The following TLL2 variants were observed in gnomAD, a reference collection of about 807,000 sequenced individuals.
The protein encoded by TLL2 is tolloid-like protein 2.
TLL2 carries 106 observed loss-of-function variants against 123.0 expected under a neutral mutation model. That is an observed-to-expected ratio of 0.86 (90% CI 0.74 to 1.01). TLL2 has a LOEUF of 1.01. Among genes scored for constraint, TLL2 ranks in the 50% least tolerant of loss-of-function variants. TLL2 has a pLI of 0.00. For synonymous variants in TLL2, 494 were observed against 516.8 expected (o/e 0.96, Z 0.60); for missense variants, 1,332 against 1,336.7 (o/e 1.00, Z 0.06).
chr10:96,396,504 A>G (rs555880757), intron 11 of TLL2, among the ~76,000 whole-genome samples: 1 of 152,310 alleles, frequency 6.6e-6, no homozygotes, highest in African/African-American at 2.4e-5. Flanking sequence ...CTAAAATTGT[A>G]ATAATTTAAG....
intron 1 of TLL2, among the ~76,000 whole-genome samples, chr10:96,485,640 A>T (rs149468740): frequency 6.6e-6 from 1 of 152,306 alleles, no homozygotes; most frequent in Non-Finnish European, 1.5e-5. Flanking sequence ...AGAAAATAAA[A>T]AGTGTTGACT....
At chr10:96,462,413 G>T (rs577714570) in intron 2 of TLL2, among the ~76,000 whole-genome samples, 6 of 152,350 alleles carry the variant, frequency 3.9e-5, no homozygotes, top group African/African-American at 1.4e-4. Context: ...TAAAGTTGTT[G>T]TGAGTAAATA....
intron 2 of TLL2, among the ~76,000 whole-genome samples, chr10:96,462,351 C>T (rs969926214): frequency 6.6e-6 from 1 of 152,168 alleles, no homozygotes; most frequent in African/African-American, 2.4e-5. Flanking sequence ...TACTTTTGTC[C>T]TGCAGAAATA....
Position 96,395,736 on chromosome 10 carries a change from G to A in TLL2, c.1530+139C>T, listed in dbSNP as rs1846333336. On this transcript the variant is annotated intron_variant, in intron 12 of 20. Transcript: ENST00000357947. ...GCATAGATGTTGATGTCAGATGTCC[G>A]GGCACAATTCACTATGGGCTTGAGA... 7 of 1,105,094 alleles carry A rather than the reference G, an allele frequency of 6.3e-6. No homozygotes were observed. The Admixed American group carries it at 8.0e-5, about 13-fold the overall frequency. 68.5% of individuals were successfully genotyped at this position (1,105,094 alleles called of 1,614,324 possible). A position where few individuals can be genotyped will look rare whatever the true frequency, so the allele number is the denominator to read the frequency against.
intron 7 of TLL2, among the ~76,000 whole-genome samples, chr10:96,420,011 C>T (rs1353626418): frequency 6.6e-6 from 1 of 152,192 alleles, no homozygotes; most frequent in African/African-American, 2.4e-5. Flanking sequence ...CTCAACTTAG[C>T]TTTCTAGCCA....
chr10:96,459,071 A>G (rs1847047195), intron 2 of TLL2, among the ~76,000 whole-genome samples: 2 of 152,238 alleles, frequency 1.3e-5, no homozygotes, highest in African/African-American at 4.8e-5. Flanking sequence ...GCAATTTATG[A>G]AAATAATAAA....
At chr10:96,453,321 TG>T (rs1846980380) in intron 2 of TLL2, among the ~76,000 whole-genome samples, 1 of 152,080 alleles carries the variant, frequency 6.6e-6, no homozygotes, top group Non-Finnish European at 1.5e-5. Flanking sequence ...CCAGGCGTGG[TG>T]GCGCGCACCT....
intron 20 of TLL2, among the ~76,000 whole-genome samples, chr10:96,369,744 C>CT (rs1215912650): frequency 6.9e-6 from 1 of 143,978 alleles, no homozygotes; most frequent in African/African-American, 2.6e-5. Context: ...AAGACTCCGT[C>CT]TCGGGGGAAA....
At chr10:96,435,094 C>T (rs539911773) in intron 3 of TLL2, among the ~76,000 whole-genome samples, 7 of 149,526 alleles carry the variant, frequency 4.7e-5, no homozygotes, top group South Asian at 4.3e-4. Context: ...TACAGTGGCA[C>T]GATCTCGGCT....
intron 19 of TLL2, 112 bp downstream of exon 19, chr10:96,373,484 C>A: frequency 2.0e-6 from 2 of 1,014,256 alleles, no homozygotes; most frequent in Non-Finnish European, 3.0e-6. Context: ...CACCTTCCTC[C>A]CCTCGCCCTC....
chr10:96,511,060 A>G (rs1171253020), intron 1 of TLL2, among the ~76,000 whole-genome samples: 1 of 152,226 alleles, frequency 6.6e-6, no homozygotes, highest in African/African-American at 2.4e-5. Flanking sequence ...AGTCCACAGT[A>G]GGAATGGAGA....
chr10:96,373,483 C>CCCCTCG (rs1338510729), intron 19 of TLL2, 113 bp downstream of exon 19: 95 of 1,009,154 alleles, frequency 9.4e-5, no homozygotes, highest in Non-Finnish European at 1.9e-5. Context: ...GCACCTTCCT[C>CCCCTCG]CCCTCGCCCT....
chr10:96,474,596 G>C (rs190535710), intron 2 of TLL2, among the ~76,000 whole-genome samples: 39 of 152,340 alleles, frequency 2.6e-4, no homozygotes, highest in African/African-American at 6.7e-4. Flanking sequence ...AGTGGGAAGA[G>C]AGGCTGGATA....
At chr10:96,500,192 C>G (rs1220378612) in intron 1 of TLL2, among the ~76,000 whole-genome samples, 1 of 149,806 alleles carries the variant, frequency 6.7e-6, no homozygotes, top group Non-Finnish European at 1.5e-5. Flanking sequence ...GTGGTGCACA[C>G]CTATAGTCCC....
At chr10:96,493,979 C>T (rs2134110780) in intron 1 of TLL2, among the ~76,000 whole-genome samples, 1 of 152,324 alleles carries the variant, frequency 6.6e-6, no homozygotes, top group South Asian at 2.1e-4. Flanking sequence ...CTTTTGGCTC[C>T]AAGACTCAGA....
intron 1 of TLL2, among the ~76,000 whole-genome samples, chr10:96,491,160 C>T (rs558726999): frequency 4.6e-5 from 7 of 152,204 alleles, no homozygotes; most frequent in East Asian, 1.9e-4. Context: ...GCAGGCGGAT[C>T]GCCTGAGGTT....
chr10:96,476,728 A>G (rs1366013375), intron 2 of TLL2, among the ~76,000 whole-genome samples: 1 of 152,160 alleles, frequency 6.6e-6, no homozygotes, highest in East Asian at 1.9e-4. Context: ...TGCACATTGA[A>G]TCACTACTGC....
At chr10:96,423,613 A>G (rs1846647590) in intron 5 of TLL2, among the ~76,000 whole-genome samples, 1 of 152,244 alleles carries the variant, frequency 6.6e-6, no homozygotes, top group Non-Finnish European at 1.5e-5. Flanking sequence ...GATGACAAGC[A>G]AAACAAATAA....
chr10:96,499,635 C>T (rs1222288929), intron 1 of TLL2, among the ~76,000 whole-genome samples: 1 of 151,980 alleles, frequency 6.6e-6, no homozygotes, highest in Non-Finnish European at 1.5e-5. Context: ...CAGAATGAGC[C>T]CTCTGCTTTT....
Sources: gnomAD v4.1 joint callset for allele counts (sites outside exome capture counted in the v4.1 genomes callset) on GRCh38, gnomAD v4.1.1 for gene constraint, MANE v1.5 for transcripts, NCBI Gene and HGNC (gene_info 2026-07-23, HGNC 2026-07-21) for gene names.